Variants in MAN1A1 observed in about 807,000 individuals in gnomAD.
The protein encoded by MAN1A1 is mannosyl-oligosaccharide 1,2-alpha-mannosidase IA.
A neutral mutation model predicts 70.8 loss-of-function variants in MAN1A1; 29 were observed. The ratio of observed to expected loss-of-function variants is 0.41; its 90% CI spans 0.31 to 0.56. MAN1A1 has a LOEUF of 0.56. MAN1A1 is among the 20% of genes least tolerant of loss of function. The pLI is 0.29. For missense variants in MAN1A1, 747 were observed against 841.3 expected, an observed-to-expected ratio of 0.89 and a Z score of 1.39; for synonymous variants, 349 against 330.1, an observed-to-expected ratio of 1.06 and a Z score of -0.62.
Position 119,193,782 on chromosome 6 carries a change from C to G in MAN1A1, c.1321G>C (p.Val441Leu). The G allele has an allele frequency of 6.2e-7, 1 of 1,610,170 alleles. No individual in the cohort carries two copies. The highest frequency in any genetic ancestry group is 1.1e-5 in the South Asian group (1 of 90,698). The change falls in exon 9 of 13, where the codon GTT (valine) becomes CTT (leucine). Residue 441 changes from valine to leucine, a missense_variant. This residue lies in a region of MAN1A1 where 419 missense variants were observed against 548.2 expected (regional missense o/e 0.76). Transcript: ENST00000368468. The part of the protein sequence containing the change: ...LEAKKMYFDA[V>L]QAIETHLIRK... The stretch of plus-strand genomic sequence containing the variant: ...TGATTTAAATATTGGGTTACCTGAA[C>G]AGCATCAAAATACATCTTCTTAGCT...
At chr6:119,214,929 A>AT (rs1345765795) in intron 6 of MAN1A1, among the ~76,000 whole-genome samples, 1 of 80,658 alleles carries the variant, frequency 1.2e-5, no homozygotes. Flanking sequence ...AAAGCATTAT[A>AT]AAATGCTAAA....
intron 6 of MAN1A1, among the ~76,000 whole-genome samples, chr6:119,241,671 A>C (rs151200858): frequency 1.4e-3 from 212 of 152,296 alleles, no homozygotes; most frequent in Middle Eastern, 3.4e-3. Context: ...TCAATAATTA[A>C]ATTGACCATC....
intron 8 of MAN1A1, among the ~76,000 whole-genome samples, chr6:119,196,687 G>T (rs774611389): frequency 6.6e-6 from 1 of 152,130 alleles, no homozygotes; most frequent in African/African-American, 2.4e-5. Flanking sequence ...AGTAGCAAAA[G>T]AATCAAGACA....
chr6:119,249,385 T>C (rs939504482), intron 5 of MAN1A1, among the ~76,000 whole-genome samples: 10 of 152,168 alleles, frequency 6.6e-5, no homozygotes, highest in Admixed American at 2.0e-4. Context: ...ATGAGGCCCA[T>C]CCTCAGTTTT....
At chr6:119,191,491 A>G (rs1773441073) in intron 9 of MAN1A1, among the ~76,000 whole-genome samples, 1 of 152,204 alleles carries the variant, frequency 6.6e-6, no homozygotes, top group Admixed American at 6.5e-5. Context: ...ACAAAGAAGG[A>G]TAGTCTTTAG....
chr6:119,272,929 ATGT>A (rs544989405), intron 5 of MAN1A1, among the ~76,000 whole-genome samples: 5 of 152,308 alleles, frequency 3.3e-5, no homozygotes, highest in Non-Finnish European at 5.9e-5. Context: ...CAGCTAATAG[ATGT>A]TGTTGTAAAT....
intron 2 of MAN1A1, among the ~76,000 whole-genome samples, chr6:119,346,003 G>C (rs1427252752): frequency 6.6e-6 from 1 of 152,182 alleles, no homozygotes; most frequent in African/African-American, 2.4e-5. Flanking sequence ...CTACTTGGGA[G>C]GCTGAGGCAG....
intron 2 of MAN1A1, among the ~76,000 whole-genome samples, chr6:119,343,635 G>C (rs1232945870): frequency 6.6e-6 from 1 of 152,128 alleles, no homozygotes; most frequent in African/African-American, 2.4e-5. Flanking sequence ...GAAAAGTCAA[G>C]ACTTATTTCC....
intron 2 of MAN1A1, among the ~76,000 whole-genome samples, chr6:119,337,262 G>A (rs1773477614): frequency 6.6e-6 from 1 of 150,766 alleles, no homozygotes; most frequent in South Asian, 2.1e-4. Context: ...TCTGACTGTT[G>A]TAAAAAAAAA....
chr6:119,318,627 T>C (rs182041901), intron 2 of MAN1A1, among the ~76,000 whole-genome samples: 121 of 152,360 alleles, frequency 7.9e-4, no homozygotes, highest in African/African-American at 2.8e-3. Flanking sequence ...ACTTCCAATC[T>C]TTCTTTTTTT....
chr6:119,324,249 T>C (rs529408338), intron 2 of MAN1A1, among the ~76,000 whole-genome samples: 1 of 152,214 alleles, frequency 6.6e-6, no homozygotes, highest in Non-Finnish European at 1.5e-5. Flanking sequence ...TGAATAAATA[T>C]ATTTTCTAAC....
Position 119,178,163 on chromosome 6 carries a change from G to C in MAN1A1, c.*1656C>G, listed in dbSNP as rs1034106721. 2.0e-5 allele frequency: 3 copies of C among 152,010 alleles called. No individual in the cohort carries two copies. Among genetic ancestry groups the C allele is most frequent in the Non-Finnish European group, 4.4e-5 (3 of 67,940 alleles). 9.4% of individuals were successfully genotyped at this position (152,010 alleles called of 1,614,324 possible). A position where few individuals can be genotyped will look rare whatever the true frequency, so the allele number is the denominator to read the frequency against. ...AATGTATGATATTGAAAAACAGAAAGCAGGTCATAAAGATGGTCCTGTCCG... is the reference window on the plus strand; with the variant it reads ...AATGTATGATATTGAAAAACAGAAACCAGGTCATAAAGATGGTCCTGTCCG... On this transcript the variant is annotated 3_prime_UTR_variant, in exon 13 of 13. Coordinates refer to ENST00000368468, the MANE Select transcript of MAN1A1 (RefSeq NM_005907.4).
chr6:119,287,874 T>C (rs930420526), intron 5 of MAN1A1, among the ~76,000 whole-genome samples: 2 of 152,012 alleles, frequency 1.3e-5, no homozygotes, highest in Admixed American at 6.6e-5. Context: ...ATTCTTCCTA[T>C]TTAATATTCA....
In MAN1A1 at chr6:119,194,839, CT is replaced by C. The variant is rs149200738; in HGVS notation, c.1211-948del. Among the ~76,000 whole-genome samples, 958 of 146,504 alleles carry C rather than the reference CT, an allele frequency of 6.5e-3. 8 individuals are homozygous for C. Among genetic ancestry groups the C allele is most frequent in the African/African-American group, 0.022 (869 of 39,768 alleles). Reference sequence around the variant, plus strand: ...TAGGATAGGTATCTTCATTTTTTTTCTTTTTTTTTTTTGAGACGGAGTCTTG... The same window carrying C: ...TAGGATAGGTATCTTCATTTTTTTTCTTTTTTTTTTTGAGACGGAGTCTTG... On this transcript the variant is annotated intron_variant, in intron 8 of 12. Coordinates refer to ENST00000368468, the MANE Select transcript of MAN1A1 (RefSeq NM_005907.4).
intron 9 of MAN1A1, among the ~76,000 whole-genome samples, chr6:119,193,395 G>A (rs1277683354): frequency 1.3e-5 from 2 of 151,532 alleles, no homozygotes; most frequent in African/African-American, 4.8e-5. Context: ...TACTTCACAT[G>A]GAGGTAGCCA....
At chr6:119,190,072 T>C (rs551048198) in intron 9 of MAN1A1, among the ~76,000 whole-genome samples, 189 bp from the exon 10 acceptor site, 11 of 152,224 alleles carry the variant, frequency 7.2e-5, no homozygotes, top group African/African-American at 2.7e-4. Flanking sequence ...CCTTATTTGT[T>C]TGATTAGTCA....
Position 119,179,917 on chromosome 6 carries a change from C to G in MAN1A1, c.1864G>C (p.Asp622His), listed in dbSNP as rs778650770. The change falls in exon 13 of 13, where the codon GAT becomes CAT. Residue 622 changes from aspartate (D) to histidine (H), a missense_variant. By Grantham distance (81) the Asp-to-His change is moderately conservative. This residue lies in a region of MAN1A1 where 419 missense variants were observed against 548.2 expected (regional missense o/e 0.76). Coordinates refer to ENST00000368468, the MANE Select transcript of MAN1A1 (RefSeq NM_005907.4). ...ATCCAATGCTCCAGTGGAAGAAGAT[C>G]GTCGTCAGAAAATATTAGGTACAAA... ...KYLYLIFSDD[D>H]LLPLEHWIFN... 3.1e-6 allele frequency: 5 copies of G among 1,613,544 alleles called. No homozygotes were observed. The highest frequency in any genetic ancestry group is 4.2e-6 in the Non-Finnish European group (5 of 1,179,612).
At chr6:119,244,570 G>C (rs1317594048) in intron 6 of MAN1A1, among the ~76,000 whole-genome samples, 1 of 152,024 alleles carries the variant, frequency 6.6e-6, no homozygotes, top group Non-Finnish European at 1.5e-5. Flanking sequence ...ACCGCTTTTG[G>C]GATAGAGTTC....
intron 2 of MAN1A1, among the ~76,000 whole-genome samples, chr6:119,345,107 G>GA (rs912087774): frequency 4.8e-5 from 6 of 125,576 alleles, no homozygotes; most frequent in African/African-American, 1.8e-4. Context: ...TCAGAAAAAC[G>GA]AAAAAAAAAG....
Sources: gnomAD v4.1 joint callset for allele counts (sites outside exome capture counted in the v4.1 genomes callset) on GRCh38, gnomAD v4.1.1 for gene constraint, gnomAD v4.1.1 regional missense constraint, MANE v1.5 for transcripts, NCBI Gene and HGNC (gene_info 2026-07-23, HGNC 2026-07-21) for gene names.